Variants in TIAM1 observed in about 807,000 individuals in gnomAD.
TIAM1 encodes rho guanine nucleotide exchange factor TIAM1.
TIAM1 carries 65 observed loss-of-function variants against 163.5 expected under a neutral mutation model. The observed-to-expected ratio is 0.40, with a 90% CI of 0.33 to 0.49. The LOEUF (loss-of-function observed/expected upper bound fraction) is 0.49, where lower values mean the gene tolerates loss of function less well. Among genes scored for constraint, TIAM1 ranks in the 20% least tolerant of loss-of-function variants. The pLI, the probability that TIAM1 is intolerant of heterozygous loss-of-function variation, is 0.77. For missense variants in TIAM1, 1,789 were observed against 2,044.7 expected, an observed-to-expected ratio of 0.87 and a Z score of 2.41; for synonymous variants, 833 against 810.1, an observed-to-expected ratio of 1.03 and a Z score of -0.48.
chr21:31,279,452 C>G (rs1047667914), intron 2 of TIAM1, among the ~76,000 whole-genome samples: 2 of 152,216 alleles, frequency 1.3e-5, no homozygotes, highest in African/African-American at 4.8e-5. Flanking sequence ...TCTCCAAGAG[C>G]TGCAAAGAAC....
intron 10 of TIAM1, among the ~76,000 whole-genome samples, chr21:31,210,647 A>AGGG (rs1555890990): frequency 0.024 from 590 of 24,526 alleles, 6 homozygotes; most frequent in South Asian, 0.035. Context: ...GAAAGAAAGA[A>AGGG]AGAAAGAAAG....
At chr21:31,322,013 A>T (rs1427590576) in intron 2 of TIAM1, among the ~76,000 whole-genome samples, 1 of 152,174 alleles carries the variant, frequency 6.6e-6, no homozygotes, top group Non-Finnish European at 1.5e-5. Context: ...AGATCGTGCC[A>T]CCTGCATGAG....
At chr21:31,172,325 C>G (rs899120430) in intron 15 of TIAM1, among the ~76,000 whole-genome samples, 1 of 146,386 alleles carries the variant, frequency 6.8e-6, no homozygotes, top group East Asian at 1.9e-4. Flanking sequence ...TAATCCCATA[C>G]AAACAGAGTT....
intron 2 of TIAM1, among the ~76,000 whole-genome samples, chr21:31,297,459 A>C (rs2074323859): frequency 1.3e-5 from 2 of 152,190 alleles, no homozygotes; most frequent in Admixed American, 1.3e-4. Context: ...CAATGGCGAG[A>C]TCTCGGCTCA....
At chr21:31,223,350 C>A (rs2087736326) in intron 8 of TIAM1, 56 bp downstream of exon 8, 2 of 1,527,202 alleles carry the variant, frequency 1.3e-6, no homozygotes, top group Non-Finnish European at 8.8e-7. Context: ...TCAAGTCCTG[C>A]TCAGGATTAA....
At chr21:31,438,720 T>C (rs1050419506) in intron 2 of TIAM1, among the ~76,000 whole-genome samples, 6 of 152,188 alleles carry the variant, frequency 3.9e-5, no homozygotes, top group Non-Finnish European at 5.9e-5. Flanking sequence ...GTCAAAAGTC[T>C]CTGTCTCAGT....
intron 23 of TIAM1, among the ~76,000 whole-genome samples, chr21:31,132,671 A>G (rs743324): frequency 0.27 from 41,053 of 151,988 alleles, 8,105 homozygotes; most frequent in African/African-American, 0.57. Context: ...GAGGGCCAGA[A>G]AGTGAGCTTC....
rs1230702000 is a variant in TIAM1 at position 31,435,687 on chromosome 21, G to C, written c.-369+28296C>G. On this transcript the variant is annotated intron_variant, in intron 2 of 28. Transcript: ENST00000286827. ...CTGCCATCAAGATCTGCCATGGTTT[G>C]AATGTGTTCCCCAACATTCAAGGGT... 3.3e-5 allele frequency among the ~76,000 whole-genome samples: 5 copies of C among 152,286 alleles called. No individual in the cohort carries two copies. The South Asian group carries it at 6.2e-4, about 19-fold the overall frequency.
chr21:31,426,074 T>C (rs1048564374), intron 2 of TIAM1, among the ~76,000 whole-genome samples: 1 of 152,082 alleles, frequency 6.6e-6, no homozygotes, highest in Non-Finnish European at 1.5e-5. Context: ...TTTGGTTACA[T>C]GGATAAGTCC....
chr21:31,460,146 G>A (rs556181581), intron 2 of TIAM1, among the ~76,000 whole-genome samples: 1 of 152,186 alleles, frequency 6.6e-6, no homozygotes, highest in South Asian at 2.1e-4. Flanking sequence ...GAGACCTGAA[G>A]CTGAAGCCAC....
chr21:31,281,210 G>T (rs1285466059), intron 2 of TIAM1, among the ~76,000 whole-genome samples: 1 of 151,132 alleles, frequency 6.6e-6, no homozygotes, highest in East Asian at 1.9e-4. Flanking sequence ...TATTGTATTT[G>T]CCCTCAAAAT....
At chr21:31,530,966 C>T (rs2047950015) in intron 1 of TIAM1, among the ~76,000 whole-genome samples, 1 of 152,124 alleles carries the variant, frequency 6.6e-6, no homozygotes. Context: ...CACAGCGCCA[C>T]TGACTTACGC....
upstream of TIAM1, among the ~76,000 whole-genome samples, chr21:31,348,971 CAA>C (rs2076192959): frequency 6.6e-6 from 1 of 152,056 alleles, no homozygotes; most frequent in Admixed American, 6.6e-5. Flanking sequence ...CAGGGCCAGC[CAA>C]AAAGAGGCCA....
At chr21:31,388,240 CACACACACACACACACACA>C (rs970961580) in intron 2 of TIAM1, among the ~76,000 whole-genome samples, 8 of 111,084 alleles carry the variant, frequency 7.2e-5, no homozygotes, top group South Asian at 3.2e-4. Context: ...CACACACACA[CACACACACACACACACACA>C]ACCTCTTACG....
chr21:31,247,693 G>C (rs1569101387), intron 5 of TIAM1, among the ~76,000 whole-genome samples: 1 of 152,086 alleles, frequency 6.6e-6, no homozygotes, highest in Admixed American at 6.5e-5. Flanking sequence ...ACCACACCAA[G>C]CTAATTTCTT....
chr21:31,251,863 T>C lies in TIAM1; in HGVS notation c.1290A>G (p.Ala430=). 6.2e-7 allele frequency: 1 copy of C among 1,613,892 alleles called. No homozygotes were observed. Among genetic ancestry groups the C allele is most frequent in the Non-Finnish European group, 8.5e-7 (1 of 1,179,948 alleles). The change falls in exon 5 of 28, where the codon GCA becomes GCG. Residue 430 remains alanine (A), a synonymous_variant. Coordinates refer to ENST00000541036, the MANE Select transcript of TIAM1 (RefSeq NM_001353694.2). ...CGCCGGCCTTGCGCACCGTGCCCTG[T>C]GCGGCGGTCAGCAGGATGTCCGACT... ...PGQSDILLTA[A]QGTVRKAGAL...
intron 2 of TIAM1, among the ~76,000 whole-genome samples, chr21:31,454,137 G>C (rs2044994602): frequency 6.6e-6 from 1 of 152,150 alleles, no homozygotes; most frequent in Admixed American, 6.5e-5. Context: ...TTTACTATTT[G>C]TTATGTTGAT....
intron 1 of TIAM1, among the ~76,000 whole-genome samples, chr21:31,341,537 T>C (rs2076014759): frequency 6.6e-6 from 1 of 152,220 alleles, no homozygotes; most frequent in Non-Finnish European, 1.5e-5. Context: ...TACCTACAAT[T>C]CACTTTAAAT....
intron 1 of TIAM1, among the ~76,000 whole-genome samples, chr21:31,487,617 G>A (rs2046319388): frequency 6.7e-6 from 1 of 149,952 alleles, no homozygotes; most frequent in African/African-American, 2.5e-5. Flanking sequence ...GACTGCAGTG[G>A]CGCAATCTCG....
Sources: allele counts gnomAD v4.1 joint callset (sites outside exome capture counted in the v4.1 genomes callset), GRCh38; gene constraint gnomAD v4.1.1; transcripts MANE v1.5; gene names NCBI Gene and HGNC (gene_info 2026-07-23, HGNC 2026-07-21).